RET: variants seen among roughly 807,000 people sequenced by gnomAD.
RET encodes the protein proto-oncogene tyrosine-protein kinase receptor Ret.
RET carries 19 observed loss-of-function variants against 118.3 expected under a neutral mutation model. That is an observed-to-expected ratio of 0.16 (90% CI 0.11 to 0.24). RET has a LOEUF of 0.24. Among genes scored for constraint, RET ranks in the 10% least tolerant of loss-of-function variants. RET has a pLI of 1.00. For synonymous variants in RET, 597 were observed against 644.1 expected, an observed-to-expected ratio of 0.93 and a Z score of 1.11; for missense variants, 1,219 against 1,502.1, an observed-to-expected ratio of 0.81 and a Z score of 3.12.
chr10:43,113,032 A>G (rs1455909255), intron 9 of RET, 69 bp downstream of exon 9: 1 of 1,326,062 alleles, frequency 7.5e-7, no homozygotes, highest in Non-Finnish European at 1.1e-6. Context: ...TCCCACAGGC[A>G]CTTCAGCCAG....
chr10:43,109,547 G>T (rs1349610755), intron 6 of RET, among the ~76,000 whole-genome samples: 2 of 152,218 alleles, frequency 1.3e-5, no homozygotes, highest in Non-Finnish European at 2.9e-5. Flanking sequence ...CTTCCTGGTG[G>T]ATTGGTGAGA....
At chr10:43,082,538 C>T (rs1016206535) in intron 1 of RET, among the ~76,000 whole-genome samples, 2 of 152,168 alleles carry the variant, frequency 1.3e-5, no homozygotes, top group Non-Finnish European at 1.5e-5. Context: ...TGTGGCCCTA[C>T]AGCCCCAGGT....
At chr10:43,109,870 G>T (rs1377849270) in intron 6 of RET, among the ~76,000 whole-genome samples, 2 of 152,228 alleles carry the variant, frequency 1.3e-5, no homozygotes, top group East Asian at 1.9e-4. Flanking sequence ...ACATCGTGGT[G>T]TTCTTTCTGG....
At chr10:43,105,846 G>A (rs1301645707) in intron 4 of RET, among the ~76,000 whole-genome samples, 1 of 150,142 alleles carries the variant, frequency 6.7e-6, no homozygotes, top group Non-Finnish European at 1.5e-5. Context: ...GCCTCCCTGG[G>A]GTGACAGCAG....
chr10:43,129,501 C>T lies in RET; in HGVS notation c.*1232C>T, dbSNP rs1347483892. On this transcript the variant is annotated 3_prime_UTR_variant, in exon 20 of 20. Transcript: ENST00000355710. ...ATAAGCTTCTTGTCATTCTTCATTG[C>T]TTGTTTGTGGTCACAGATGCACAAC... 5 of 234,964 alleles carry T rather than the reference C, an allele frequency of 2.1e-5. No homozygotes were observed. The East Asian group carries it at 3.0e-4, about 14-fold the overall frequency. 14.6% of individuals were successfully genotyped at this position (234,964 alleles called of 1,614,324 possible). A position where few individuals can be genotyped will look rare whatever the true frequency, so the allele number is the denominator to read the frequency against.
At chr10:43,124,725 G>A (rs1050094710) in intron 17 of RET, among the ~76,000 whole-genome samples, 158 bp from the exon 18 acceptor site, 41 of 152,208 alleles carry the variant, frequency 2.7e-4, no homozygotes, top group African/African-American at 8.7e-4. Flanking sequence ...CCAGTCCCAC[G>A]AGGCTCAGAG....
In RET at chr10:43,122,002, C is replaced by A. The variant is rs747648232; in HGVS notation, c.2787C>A (p.Thr929=). ...AIESLFDHIY[T]TQSDVWSFGV... ...AATCCCTTTTTGATCATATCTACAC[C>A]ACGCAAAGTGATGTGTAAGTGTGGG... Residue 929 remains threonine, a synonymous_variant, in exon 16 of 20, where the codon ACC becomes ACA. Coordinates refer to ENST00000355710, the MANE Select transcript of RET (RefSeq NM_020975.6). 13 of 1,613,460 alleles carry A rather than the reference C, an allele frequency of 8.1e-6. No homozygotes were observed. Among genetic ancestry groups the A allele is most frequent in the Non-Finnish European group, 1.1e-5 (13 of 1,179,432 alleles).
intron 2 of RET, among the ~76,000 whole-genome samples, chr10:43,100,997 G>T (rs1588863009): frequency 1.3e-5 from 2 of 152,350 alleles, no homozygotes; most frequent in Middle Eastern, 6.8e-3. Context: ...TCTTCCAGTG[G>T]GGCTAAAAAG....
Position 43,119,246 on chromosome 10 carries a change from G to A in RET, c.2393-285G>A, listed in dbSNP as rs78453984. Among the ~76,000 whole-genome samples, 1,260 of 152,316 alleles carry A rather than the reference G, an allele frequency of 8.3e-3. 54 individuals are homozygous for A. In the East Asian group the frequency reaches 0.095, roughly 11 times the overall value. On this transcript the variant is annotated intron_variant, in intron 13 of 19. Transcript: ENST00000355710. ...AAAAAGGCTTGGCGTCCTAGCATCA[G>A]GGAGGGGTGCCTCCCAGGGCAGTGT...
chr10:43,077,407 G>C, intron 1 of RET, 76 bp downstream of exon 1: 1 of 1,451,310 alleles, frequency 6.9e-7, no homozygotes, highest in Non-Finnish European at 9.1e-7. Context: ...GGCGCGTTCA[G>C]AAGCGCCTTT....
chr10:43,108,781 G>C (rs1049806960), intron 5 of RET, among the ~76,000 whole-genome samples: 1 of 152,092 alleles, frequency 6.6e-6, no homozygotes, highest in East Asian at 1.9e-4. Context: ...CATACAATGC[G>C]TACACATGCA....
chr10:43,111,990 G>T (rs1837945127), intron 7 of RET, 109 bp from the exon 8 acceptor site: 1 of 1,471,062 alleles, frequency 6.8e-7, no homozygotes, highest in Non-Finnish European at 9.2e-7. Flanking sequence ...CGGTCCCCTT[G>T]GGCTCCATCC....
intron 3 of RET, 139 bp from the exon 4 acceptor site, chr10:43,104,813 C>G: frequency 1.5e-6 from 2 of 1,301,210 alleles, no homozygotes; most frequent in South Asian, 2.8e-5. Context: ...GCTGCCCTCC[C>G]CTGTGGAGCG....
chr10:43,096,612 G>A (rs1464719262), intron 1 of RET, among the ~76,000 whole-genome samples: 3 of 152,074 alleles, frequency 2.0e-5, no homozygotes, highest in Non-Finnish European at 2.9e-5. Flanking sequence ...CCCCCACTTC[G>A]AAGCTGGGGA....
At chr10:43,101,322 C>T (rs1184918695) in intron 2 of RET, among the ~76,000 whole-genome samples, 1 of 152,252 alleles carries the variant, frequency 6.6e-6, no homozygotes, top group African/African-American at 2.4e-5. Context: ...AGCACCCCTC[C>T]AGGGCCACAG....
At chr10:43,103,362 T>C (rs1246524578) in intron 3 of RET, among the ~76,000 whole-genome samples, 2 of 152,054 alleles carry the variant, frequency 1.3e-5, no homozygotes, top group African/African-American at 4.8e-5. Flanking sequence ...AGGAGAAACC[T>C]CTGAACAGGA....
intron 16 of RET, 96 bp downstream of exon 16, chr10:43,122,112 G>C: frequency 5.3e-6 from 5 of 949,658 alleles, no homozygotes; most frequent in South Asian, 1.3e-5. Flanking sequence ...CTTGGCCAGG[G>C]AATTGCACTG....
rs760721348 is a variant in RET at position 43,122,065 on chromosome 10, T to C, written c.2801+49T>C. On this transcript the variant is annotated intron_variant, in intron 16 of 19. Transcript: ENST00000355710. ...GGGGTGGAGGTTACAGAAACACCCT[T>C]ATACATGTAGTGGGGCCACGACGCC... is the stretch of plus-strand genomic sequence containing the variant. 2.7e-6 allele frequency: 4 copies of C among 1,455,824 alleles called. No homozygotes were observed. The Middle Eastern group carries it at 5.2e-4, about 189-fold the overall frequency. 90.2% of individuals were successfully genotyped at this position (1,455,824 alleles called of 1,614,324 possible). A position where few individuals can be genotyped will look rare whatever the true frequency, so the allele number is the denominator to read the frequency against.
intron 1 of RET, among the ~76,000 whole-genome samples, chr10:43,090,114 T>A (rs1157895586): frequency 6.6e-6 from 1 of 152,132 alleles, no homozygotes; most frequent in Non-Finnish European, 1.5e-5. Context: ...AAACTGGACA[T>A]GTGTGAGTAG....
Sources: gnomAD v4.1 joint callset for allele counts (sites outside exome capture counted in the v4.1 genomes callset) on GRCh38, gnomAD v4.1.1 for gene constraint, MANE v1.5 for transcripts, NCBI Gene and HGNC (gene_info 2026-07-23, HGNC 2026-07-21) for gene names.